Variants in PLCB4 observed in about 807,000 individuals in gnomAD.
The protein encoded by PLCB4 is phospholipase C beta 4, also known as 1-phosphatidylinositol 4,5-bisphosphate phosphodiesterase beta-4.
Under a neutral mutation model 178.8 loss-of-function variants are expected in PLCB4, and 77 were observed. The ratio of observed to expected loss-of-function variants is 0.43; its 90% CI spans 0.36 to 0.52. The LOEUF (loss-of-function observed/expected upper bound fraction) is 0.52. PLCB4 is among the 20% of genes least tolerant of loss of function. The pLI, the probability that PLCB4 is intolerant of heterozygous loss-of-function variation, is 0.00. For synonymous variants in PLCB4, 496 were observed against 490.8 expected, an observed-to-expected ratio of 1.01 and a Z score of -0.14; for missense variants, 1,024 against 1,453.4, an observed-to-expected ratio of 0.70 and a Z score of 4.80.
chr20:9,291,018 T>C (rs1268533503), intron 3 of PLCB4, among the ~76,000 whole-genome samples: 1 of 152,154 alleles, frequency 6.6e-6, no homozygotes, highest in Non-Finnish European at 1.5e-5. Context: ...GGAATGTAGG[T>C]CTTCCATCTC....
intron 15 of PLCB4, among the ~76,000 whole-genome samples, 193 bp downstream of exon 15, chr20:9,387,749 C>T (rs1340287490): frequency 6.6e-6 from 1 of 152,184 alleles, no homozygotes; most frequent in African/African-American, 2.4e-5. Flanking sequence ...ACTGTTCTTG[C>T]TTTCAAATGG....
At chr20:9,454,053 T>C in intron 33 of PLCB4, among the ~76,000 whole-genome samples, 1 of 152,268 alleles carries the variant, frequency 6.6e-6, no homozygotes, top group Middle Eastern at 3.4e-3. Flanking sequence ...GTCATCTCAG[T>C]ATGTGATAAT....
At chr20:9,298,695 A>C (rs539435775) in intron 3 of PLCB4, among the ~76,000 whole-genome samples, 72 of 152,070 alleles carry the variant, frequency 4.7e-4, no homozygotes, top group Non-Finnish European at 8.5e-4. Flanking sequence ...TCACCTAATA[A>C]ATTTATAAAG....
intron 28 of PLCB4, among the ~76,000 whole-genome samples, chr20:9,432,531 G>C (rs1481393286): frequency 6.6e-6 from 1 of 152,206 alleles, no homozygotes; most frequent in South Asian, 2.1e-4. Flanking sequence ...GAGAAGCATA[G>C]ACCAAGTATA....
At position 9,419,442 on chromosome 20, in the gene PLCB4, A is replaced by G. The variant is rs73600231; in HGVS notation, c.2052-365A>G. ...TTAATGCATTATTACAAGTACAATTAATACAGAGGTAGAATATCACATATT... is the reference window on the plus strand; with the variant it reads ...TTAATGCATTATTACAAGTACAATTGATACAGAGGTAGAATATCACATATT... On this transcript the variant is annotated intron_variant, in intron 25 of 39. Transcript: ENST00000378473. 0.022 allele frequency among the ~76,000 whole-genome samples: 3,396 copies of G among 152,358 alleles called. 299 individuals carry two copies. The East Asian group carries it at 0.32, about 14-fold the overall frequency.
chr20:9,334,295 C>A (rs1954668353), intron 4 of PLCB4, among the ~76,000 whole-genome samples: 1 of 152,096 alleles, frequency 6.6e-6, no homozygotes, highest in African/African-American at 2.4e-5. Flanking sequence ...GCATGCTGGA[C>A]TGGCCAGAGA....
At chr20:9,416,782 C>T (rs2040278340) in intron 25 of PLCB4, among the ~76,000 whole-genome samples, 1 of 152,162 alleles carries the variant, frequency 6.6e-6, no homozygotes, top group African/African-American at 2.4e-5. Flanking sequence ...TTCAACATTT[C>T]AACAATTGTG....
intron 3 of PLCB4, among the ~76,000 whole-genome samples, chr20:9,225,683 G>A (rs894476027): frequency 2.6e-5 from 4 of 152,136 alleles, no homozygotes; most frequent in African/African-American, 9.7e-5. Flanking sequence ...GTTAAATTGG[G>A]CATTCTGAAT....
intron 3 of PLCB4, among the ~76,000 whole-genome samples, chr20:9,305,262 G>C (rs1407921602): frequency 6.6e-6 from 1 of 151,710 alleles, no homozygotes; most frequent in Non-Finnish European, 1.5e-5. Flanking sequence ...AGAGGCTCGA[G>C]TTTCTTTTGC....
chr20:9,156,664 G>A (rs1422966529), intron 2 of PLCB4, among the ~76,000 whole-genome samples: 2 of 152,084 alleles, frequency 1.3e-5, no homozygotes, highest in Non-Finnish European at 2.9e-5. Context: ...AATTTACATA[G>A]CTATTTCTTT....
intron 2 of PLCB4, among the ~76,000 whole-genome samples, chr20:9,181,463 A>G (rs529381409): frequency 2.0e-5 from 3 of 152,284 alleles, no homozygotes; most frequent in East Asian, 3.9e-4. Context: ...ACAAAATGCC[A>G]TAGACTAGGT....
At chr20:9,140,414 C>T (rs940850036) in intron 2 of PLCB4, among the ~76,000 whole-genome samples, 1 of 152,076 alleles carries the variant, frequency 6.6e-6, no homozygotes, top group South Asian at 2.1e-4. Context: ...CTGCAGTGGC[C>T]ATGCATTGCT....
At chr20:9,175,752 AC>A (rs538330202) in intron 2 of PLCB4, among the ~76,000 whole-genome samples, 44 of 152,198 alleles carry the variant, frequency 2.9e-4, no homozygotes, top group African/African-American at 9.6e-4. Flanking sequence ...TTCAAAGTAA[AC>A]CCCACATCTA....
At chr20:9,450,887 G>A (rs1365186605) in intron 32 of PLCB4, among the ~76,000 whole-genome samples, 2 of 151,910 alleles carry the variant, frequency 1.3e-5, no homozygotes, top group African/African-American at 4.8e-5. Flanking sequence ...GACCTCAGGT[G>A]ATTTATGCGC....
intron 3 of PLCB4, among the ~76,000 whole-genome samples, chr20:9,219,185 C>T (rs2093767938): frequency 6.6e-6 from 1 of 152,110 alleles, no homozygotes; most frequent in Non-Finnish European, 1.5e-5. Context: ...TTTACAAAGC[C>T]TTGGCTGGGC....
At chr20:9,076,188 C>G (rs955362606) in intron 1 of PLCB4, among the ~76,000 whole-genome samples, 2 of 152,052 alleles carry the variant, frequency 1.3e-5, no homozygotes, top group Admixed American at 6.6e-5. Flanking sequence ...AACACCTGGC[C>G]GGGCGCGATG....
chr20:9,411,110 G>A, intron 25 of PLCB4, 22 bp downstream of exon 25: 1 of 1,549,580 alleles, frequency 6.5e-7, no homozygotes, highest in Non-Finnish European at 8.9e-7. Context: ...GATTTAAACT[G>A]TTTTCACCTA....
intron 3 of PLCB4, among the ~76,000 whole-genome samples, chr20:9,282,549 C>G (rs1339982282): frequency 1.3e-5 from 2 of 151,938 alleles, no homozygotes; most frequent in Non-Finnish European, 2.9e-5. Flanking sequence ...CTCCTTAATA[C>G]TCTTCAATAA....
intron 1 of PLCB4, among the ~76,000 whole-genome samples, chr20:9,078,503 A>G (rs547089314): frequency 7.8e-4 from 118 of 151,790 alleles, no homozygotes; most frequent in Non-Finnish European, 1.2e-3. Context: ...TCTGGGTTAC[A>G]GGTGTGTGCC....
Sources: gnomAD v4.1 joint callset for allele counts (sites outside exome capture counted in the v4.1 genomes callset) on GRCh38, gnomAD v4.1.1 for gene constraint, MANE v1.5 for transcripts, NCBI Gene and HGNC (gene_info 2026-07-23, HGNC 2026-07-21) for gene names.